The following FAT4 variants were observed in gnomAD, a reference collection of about 807,000 sequenced individuals.
FAT4 encodes the protein FAT atypical cadherin 4, also known as protocadherin Fat 4.
FAT4 carries 84 observed loss-of-function variants against 303.9 expected under a neutral mutation model. That is an observed-to-expected ratio of 0.28 (90% confidence interval 0.23 to 0.33). FAT4 has a LOEUF of 0.33. Among genes scored for constraint, FAT4 ranks in the 10% least tolerant of loss-of-function variants. The pLI is 1.00. For synonymous variants in FAT4, 2,307 were observed against 2,298.8 expected (o/e 1.00, Z -0.10); for missense variants, 6,005 against 6,146.8 (o/e 0.98, Z 0.77).
chr4:125,348,896 G>A (rs536692575), intron 2 of FAT4, among the ~76,000 whole-genome samples: 102 of 151,836 alleles, frequency 6.7e-4, no homozygotes, highest in Middle Eastern at 3.4e-3. Flanking sequence ...AAATCTAAGA[G>A]TTCTCTATAG....
rs1353199749 is a variant in FAT4, at chr4:125,317,040, G to A, written c.629G>A (p.Arg210His). Residue 210 changes from arginine to histidine, a missense_variant, in exon 2 of 18, where the codon CGT (arginine) becomes CAT (histidine). Physicochemically the swap from Arg to His is conservative, Grantham distance 29 (BLOSUM62 0). Coordinates refer to ENST00000394329, the MANE Select transcript of FAT4 (RefSeq NM_001291303.3). This position sits in a 1 kb window ranked among gnomAD's most constrained non-coding sequence, Gnocchi z 7.0. ...CTGGTGTCCAAGGGCGGACTGGACC[G>A]TGAGGTCACTCCGCAGTACCAGCTC... Reference protein sequence around the residue: ...LHLVSKGGLDREVTPQYQLLV... With the variant: ...LHLVSKGGLDHEVTPQYQLLV... 3 of 1,613,942 alleles carry A rather than the reference G, an allele frequency of 1.9e-6. No homozygotes were observed. Among genetic ancestry groups the A allele is most frequent in the Non-Finnish European group, 1.7e-6 (2 of 1,180,048 alleles).
At chr4:125,445,948 T>C (rs7699122) in intron 8 of FAT4, among the ~76,000 whole-genome samples, 151,173 of 152,200 alleles carry the variant, frequency 0.99, 75,082 homozygotes, top group Middle Eastern at 1. Context: ...TAATCCTGGC[T>C]ACTAACCACA....
chr4:125,484,080 C>T (rs1727325261), intron 16 of FAT4, among the ~76,000 whole-genome samples: 1 of 151,280 alleles, frequency 6.6e-6, no homozygotes, highest in Non-Finnish European at 1.5e-5. Flanking sequence ...CACACACACA[C>T]ACACACACAC....
intron 12 of FAT4, among the ~76,000 whole-genome samples, chr4:125,475,369 G>A (rs1726993061): frequency 6.6e-6 from 1 of 152,036 alleles, no homozygotes; most frequent in Admixed American, 6.6e-5. Flanking sequence ...TGGTTATCAT[G>A]TTCTGAGGCC....
intron 7 of FAT4, among the ~76,000 whole-genome samples, chr4:125,421,324 C>T (rs566365857): frequency 6.6e-6 from 1 of 152,146 alleles, no homozygotes; most frequent in Non-Finnish European, 1.5e-5. Context: ...GCACACGTGG[C>T]AATTGGTTTC....
intron 2 of FAT4, among the ~76,000 whole-genome samples, chr4:125,373,979 A>G (rs1294671061): frequency 6.6e-6 from 1 of 152,224 alleles, no homozygotes; most frequent in African/African-American, 2.4e-5. Context: ...ATTAGGATAA[A>G]TGACATATTT....
intron 17 of FAT4, 38 bp from the exon 18 acceptor site, chr4:125,489,863 T>C (rs914044136): frequency 8.9e-7 from 1 of 1,121,954 alleles, no homozygotes; most frequent in African/African-American, 1.6e-5. Context: ...TTTTTTTTTT[T>C]TTTTTGTAAA....
intron 2 of FAT4, among the ~76,000 whole-genome samples, chr4:125,398,335 A>G (rs1734259287): frequency 6.6e-6 from 1 of 152,156 alleles, no homozygotes; most frequent in Non-Finnish European, 1.5e-5. Flanking sequence ...TCTTAAAACA[A>G]CATGTGAACT....
At chr4:125,329,479 G>A (rs147499698) in intron 2 of FAT4, among the ~76,000 whole-genome samples, 1 of 152,110 alleles carries the variant, frequency 6.6e-6, no homozygotes, top group Non-Finnish European at 1.5e-5. Context: ...TCTCAGCCTC[G>A]TTCGCAAGCA....
At chr4:125,456,286 C>G (rs913514732) in intron 10 of FAT4, among the ~76,000 whole-genome samples, 46 of 152,072 alleles carry the variant, frequency 3.0e-4, no homozygotes, top group African/African-American at 9.9e-4. Context: ...AGGGCCAGAG[C>G]TGCCAAAGTC....
chr4:125,352,094 G>T (rs970591046), intron 2 of FAT4, among the ~76,000 whole-genome samples: 1 of 151,552 alleles, frequency 6.6e-6, no homozygotes, highest in South Asian at 2.1e-4. Context: ...AGGGATTTAG[G>T]TTGTTTCAAG....
Position 125,318,912 on chromosome 4 carries a change from A to C in FAT4, c.2501A>C (p.Asp834Ala). The change falls in exon 2 of 18, where the codon GAT becomes GCT. Residue 834 changes from aspartate (D) to alanine (A), a missense_variant. Asp to Ala is a moderately radical substitution (Grantham distance 126). Coordinates refer to ENST00000394329, the MANE Select transcript of FAT4 (RefSeq NM_001291303.3). ...ATCAGTTATCTCATTACTACTGGGG[A>C]TCAGAAAGGTATGTTTGCTATCAAC... Reference protein sequence around the residue: ...SNISYLITTGDQKGMFAINQV... With the variant: ...SNISYLITTGAQKGMFAINQV... 2 of 1,614,114 alleles carry C rather than the reference A, an allele frequency of 1.2e-6. No individual in the cohort carries two copies. Among genetic ancestry groups the C allele is most frequent in the Non-Finnish European group, 1.7e-6 (2 of 1,180,032 alleles).
chr4:125,401,878 C>T (rs1052289284), intron 3 of FAT4, among the ~76,000 whole-genome samples: 1 of 151,670 alleles, frequency 6.6e-6, no homozygotes, highest in African/African-American at 2.4e-5. Flanking sequence ...CTTCTATGTG[C>T]TTTTGTCTCT....
chr4:125,400,652 T>G (rs1199692165), intron 3 of FAT4, among the ~76,000 whole-genome samples: 1 of 152,052 alleles, frequency 6.6e-6, no homozygotes, highest in East Asian at 1.9e-4. Flanking sequence ...CATCTAGGTA[T>G]TTAGACCAAC....
At chr4:125,473,295 A>G (rs1726924415) in intron 12 of FAT4, among the ~76,000 whole-genome samples, 1 of 152,086 alleles carries the variant, frequency 6.6e-6, no homozygotes, top group African/African-American at 2.4e-5. Flanking sequence ...GGTCTCAATG[A>G]AGTTTACATT....
intron 2 of FAT4, among the ~76,000 whole-genome samples, chr4:125,363,475 A>G (rs925062812): frequency 4.0e-5 from 6 of 151,604 alleles, no homozygotes; most frequent in East Asian, 1.9e-4. Context: ...TCAATTCTAT[A>G]TCAATATAGC....
intron 2 of FAT4, among the ~76,000 whole-genome samples, chr4:125,374,648 A>C (rs1225648593): frequency 6.6e-6 from 1 of 152,186 alleles, no homozygotes; most frequent in Non-Finnish European, 1.5e-5. Flanking sequence ...AGAGCTGTTC[A>C]GATTGTCCCT....
At chr4:125,324,458 G>T (rs1021798609) in intron 2 of FAT4, among the ~76,000 whole-genome samples, 4 of 152,142 alleles carry the variant, frequency 2.6e-5, no homozygotes, top group Non-Finnish European at 4.4e-5. Context: ...CAGAACATAT[G>T]TCTTTATAAC....
intron 2 of FAT4, among the ~76,000 whole-genome samples, chr4:125,389,521 T>C (rs1733897942): frequency 6.6e-6 from 1 of 152,188 alleles, no homozygotes; most frequent in African/African-American, 2.4e-5. Context: ...TTCTGAAACT[T>C]AAGTAGAGTT....
Sources: allele counts gnomAD v4.1 joint callset (sites outside exome capture counted in the v4.1 genomes callset), GRCh38; gene constraint gnomAD v4.1.1; non-coding constraint Gnocchi (gnomAD v3.1); transcripts MANE v1.5; gene names NCBI Gene and HGNC (gene_info 2026-07-23, HGNC 2026-07-21).